Variants in TNMD observed in about 807,000 individuals in gnomAD.
TNMD encodes tenomodulin.
TNMD carries 15 observed loss-of-function variants against 26.9 expected under a neutral mutation model. That is an observed-to-expected ratio of 0.56 (90% CI 0.37 to 0.86). The LOEUF (loss-of-function observed/expected upper bound fraction) is 0.86. Among genes scored for constraint, TNMD ranks in the 40% least tolerant of loss-of-function variants. The probability of loss-of-function intolerance (pLI) is 0.00; values close to 1 mark genes in which losing one functional copy is unlikely to be tolerated. For synonymous variants in TNMD, 73 were observed against 77.0 expected (o/e 0.95, Z 0.27); for missense variants, 222 against 242.6 (o/e 0.92, Z 0.56).
At chrX:100,593,203 A>T in intron 2 of TNMD, 2 of 256,294 alleles carry the variant, frequency 7.8e-6, no homozygotes, top group Non-Finnish European at 1.1e-5. Context: ...CATGTTACTT[A>T]ATGCAGGACA....
intron 2 of TNMD, among the ~76,000 whole-genome samples, chrX:100,588,407 C>A (rs1477129693): frequency 2.7e-5 from 3 of 111,217 alleles, no homozygotes; most frequent in Non-Finnish European, 5.7e-5. Context: ...TCTTACAGGT[C>A]CCAGGCCCCT....
Position 100,597,632 on chromosome X carries a change from T to C in TNMD, c.552T>C (p.Tyr184=). 1.7e-6 allele frequency: 2 copies of C among 1,211,137 alleles called. No individual in the cohort carries two copies. Among genetic ancestry groups the C allele is most frequent in the Non-Finnish European group, 2.2e-6 (2 of 894,759 alleles). Residue 184 remains tyrosine (Y), a synonymous_variant, in exon 5 of 7, where the codon TAT becomes TAC. Transcript: ENST00000373031. ...AGATTTGTGATAACGTGACCATGTA[T>C]TGGATCAATCCCACTCTAATATCAG... ...ILEICDNVTM[Y]WINPTLISVS...
In TNMD at chrX:100,593,259, A is replaced by T; in HGVS notation, c.181-636A>T. ...TCCATATACACAAAAGAATCCGTAG[A>T]ACTTGAAAACAACTGAATATGGCTT... On this transcript the variant is annotated intron_variant, in intron 2 of 6. Coordinates refer to ENST00000373031, the MANE Select transcript of TNMD (RefSeq NM_022144.3). The T allele has an allele frequency of 4.6e-6, 3 of 652,779 alleles. No individual in the cohort carries two copies. The South Asian group carries it at 2.4e-4, about 52-fold the overall frequency. 53.8% of individuals were successfully genotyped at this position (652,779 alleles called of 1,213,427 possible).
chrX:100,585,289 T>C lies in TNMD; in HGVS notation c.107T>C (p.Phe36Ser). ...CKSLKICGLV[F>S]GILALTLIVL... is the part of the protein sequence containing the mutation. The stretch of plus-strand genomic sequence containing the variant: ...TCACTTAAGATTTGTGGACTGGTGT[T>C]TGGTATCCTGGCCCTAACTCTAATT... Residue 36 changes from phenylalanine (F) to serine (S), a missense_variant, in exon 2 of 7, where the codon TTT becomes TCT. Coordinates refer to ENST00000373031, the MANE Select transcript of TNMD (RefSeq NM_022144.3). 8.3e-7 allele frequency: 1 copy of C among 1,210,733 alleles called. No homozygotes were observed. Among genetic ancestry groups the C allele is most frequent in the Non-Finnish European group, 1.1e-6 (1 of 894,653 alleles).
At chrX:100,595,364 C>T (rs2082949871) in intron 4 of TNMD, among the ~76,000 whole-genome samples, 1 of 110,815 alleles carries the variant, frequency 9.0e-6, no homozygotes, top group African/African-American at 3.3e-5. Context: ...ATCCGCCCGC[C>T]TAGGCCTCTC....
chrX:100,599,508 A>C lies in TNMD; in HGVS notation c.745A>C (p.Thr249Pro). Residue 249 changes from threonine to proline, a missense_variant and splice_region_variant, in exon 7 of 7, where the codon ACT becomes CCT. Thr to Pro is a conservative substitution (Grantham distance 38). Transcript: ENST00000373031. ...SEEELPINDY[T>P]ENGIEFDPML... is the part of the protein sequence containing the mutation. ...CAACACTGGCTTCTTCTTCTTTCAG[A>C]CTGAAAATGGAATAGAATTTGATCC... 8.3e-7 allele frequency: 1 copy of C among 1,204,304 alleles called. No individual in the cohort carries two copies.
chrX:100,596,191 G>A (rs888446294), intron 4 of TNMD, among the ~76,000 whole-genome samples: 1 of 111,489 alleles, frequency 9.0e-6, no homozygotes, highest in African/African-American at 3.3e-5. Flanking sequence ...AAAATTAGCC[G>A]GGCATGGTGG....
At chrX:100,598,068 T>C (rs750578246) in intron 5 of TNMD, among the ~76,000 whole-genome samples, 15 of 112,091 alleles carry the variant, frequency 1.3e-4, no homozygotes, top group African/African-American at 4.5e-4. Flanking sequence ...ATGGTGGCAT[T>C]TTCCTTAGAA....
chrX:100,599,212 G>C, intron 6 of TNMD, 30 bp downstream of exon 6: 4 of 1,113,535 alleles, frequency 3.6e-6, no homozygotes, highest in Non-Finnish European at 4.8e-6. Context: ...ACTCTTGATA[G>C]AGGAGGAAAA....
intron 2 of TNMD, 89 bp downstream of exon 2, chrX:100,585,451 A>T: frequency 1.1e-6 from 1 of 941,106 alleles, no homozygotes; most frequent in East Asian, 3.3e-5. Context: ...TGAAAATGAA[A>T]ATCATTAAGT....
chrX:100,591,778 C>T (rs1276192580), intron 2 of TNMD, among the ~76,000 whole-genome samples: 1 of 108,943 alleles, frequency 9.2e-6, no homozygotes, highest in Non-Finnish European at 1.9e-5. Context: ...TCAGAATGGA[C>T]CCCTTCTCCC....
Position 100,585,213 on chromosome X carries a change from T to G in TNMD, c.49-18T>G, listed in dbSNP as rs2082918645. The G allele has an allele frequency of 8.3e-7, 1 of 1,204,998 alleles. No homozygotes were observed. The highest frequency in any genetic ancestry group is 1.8e-5 in the African/African-American group (1 of 57,062). On this transcript the variant is annotated intron_variant, in intron 1 of 6. Transcript: ENST00000373031. ...AGATTTATTGTGTATTGTTTTATTC[T>G]CTCTGTTCTTTGGTTAGGCAGAAGC...
intron 4 of TNMD, among the ~76,000 whole-genome samples, chrX:100,595,372 C>T (rs762782290): frequency 9.0e-6 from 1 of 110,835 alleles, no homozygotes; most frequent in South Asian, 3.9e-4. Context: ...GCCTAGGCCT[C>T]TCAAAGTGCT....
intron 4 of TNMD, among the ~76,000 whole-genome samples, chrX:100,596,547 A>C (rs566991439): frequency 9.0e-6 from 1 of 111,258 alleles, no homozygotes; most frequent in South Asian, 3.8e-4. Flanking sequence ...CTGAATGACA[A>C]AAACCTTCTT....
rs763131141 is a variant in TNMD, at chrX:100,599,119, G to A, written c.681G>A (p.Val227=). 1.7e-5 allele frequency: 20 copies of A among 1,204,570 alleles called. No individual in the cohort carries two copies. The highest frequency in any genetic ancestry group is 2.1e-5 in the Non-Finnish European group (19 of 892,467). The change falls in exon 6 of 7, where the codon GTG becomes GTA. Residue 227 remains valine, a synonymous_variant. Transcript: ENST00000373031. ...ATGAACAGTGGGTGGTCCCTCAAGTGAAAGTAGAGAAGACCCGTCACGCCA... is the reference window on the plus strand; with the variant it reads ...ATGAACAGTGGGTGGTCCCTCAAGTAAAAGTAGAGAAGACCCGTCACGCCA... ...EQNEQWVVPQ[V]KVEKTRHARQ... is the part of the protein sequence containing the mutation.
rs1236487588 is a variant in TNMD, at chrX:100,597,664, C to T, written c.577+7C>T. ...AATCCCACTCTAATATCAGGTATGA[C>T]ATTCTTATCCTCATCCTCCTCCTAT... On this transcript the variant is annotated splice_region_variant and intron_variant, in intron 5 of 6. Transcript: ENST00000373031. 1 of 1,196,362 alleles carries T rather than the reference C, an allele frequency of 8.4e-7. No homozygotes were observed. The highest frequency in any genetic ancestry group is 3.0e-5 in the East Asian group (1 of 33,775).
chrX:100,587,298 A>G (rs1333736936), intron 2 of TNMD, among the ~76,000 whole-genome samples: 2 of 112,378 alleles, frequency 1.8e-5, no homozygotes, highest in Non-Finnish European at 3.8e-5. Context: ...AATGATTATA[A>G]GGAGCAATCC....
At chrX:100,598,909 T>C (rs1393737355) in intron 5 of TNMD, 107 bp from the exon 6 acceptor site, 1 of 639,902 alleles carries the variant, frequency 1.6e-6, no homozygotes, top group Non-Finnish European at 2.3e-6. Context: ...TGATGCCAGT[T>C]AGAAGACACA....
intron 2 of TNMD, chrX:100,593,472 C>A (rs914407933): frequency 7.3e-6 from 4 of 544,721 alleles, no homozygotes; most frequent in African/African-American, 2.6e-5. Context: ...GCTGTTGTGG[C>A]AATATTAAAG....
Sources: gnomAD v4.1 joint callset for allele counts (sites outside exome capture counted in the v4.1 genomes callset) on GRCh38, gnomAD v4.1.1 for gene constraint, MANE v1.5 for transcripts, NCBI Gene and HGNC (gene_info 2026-07-23, HGNC 2026-07-21) for gene names.